The following MIR2052HG variants were observed in gnomAD, a reference collection of about 807,000 sequenced individuals.
MIR2052HG encodes MIR2052 host gene.
intron 4 of MIR2052HG, among the ~76,000 whole-genome samples, chr8:74,711,659 G>C (rs269191): frequency 6.6e-6 from 1 of 152,006 alleles, no homozygotes; most frequent in African/African-American, 2.4e-5. Flanking sequence ...GTCAATGAGA[G>C]CTCATGGGAT....
chr8:74,644,638 C>T (rs1808672822), intron 2 of MIR2052HG, among the ~76,000 whole-genome samples: 1 of 152,134 alleles, frequency 6.6e-6, no homozygotes, highest in Non-Finnish European at 1.5e-5. Flanking sequence ...CGCCTACAAT[C>T]CTAGCACTTT....
chr8:74,642,861 G>A (rs1263528431), intron 2 of MIR2052HG, among the ~76,000 whole-genome samples: 1 of 152,098 alleles, frequency 6.6e-6, no homozygotes, highest in Non-Finnish European at 1.5e-5. Context: ...GTCCAGCATG[G>A]GTAGCATTTG....
intron 2 of MIR2052HG, among the ~76,000 whole-genome samples, chr8:74,639,935 A>T (rs896808679): frequency 6.6e-6 from 1 of 152,132 alleles, no homozygotes; most frequent in African/African-American, 2.4e-5. Context: ...TTTTCCAGTA[A>T]CACTTTGAAT....
At chr8:74,688,499 A>C (rs1207102378) in intron 2 of MIR2052HG, among the ~76,000 whole-genome samples, 1 of 140,518 alleles carries the variant, frequency 7.1e-6, no homozygotes, top group Non-Finnish European at 1.6e-5. Context: ...AGAACTGAAG[A>C]GGGACCAAGA....
chr8:74,703,294 A>G (rs1180103631), intron 3 of MIR2052HG, among the ~76,000 whole-genome samples: 1 of 152,072 alleles, frequency 6.6e-6, no homozygotes, highest in African/African-American at 2.4e-5. Context: ...TATAATAAAT[A>G]TAGACTTAAG....
chr8:74,629,481 T>C (rs889230625), intron 2 of MIR2052HG, among the ~76,000 whole-genome samples: 3 of 151,006 alleles, frequency 2.0e-5, no homozygotes, highest in East Asian at 3.9e-4. Context: ...GATGGAAGAG[T>C]AAAAGGAAGG....
intron 2 of MIR2052HG, among the ~76,000 whole-genome samples, chr8:74,673,910 T>TATATATATATATATATATATACATAC (rs1485340799): frequency 1.4e-4 from 18 of 133,228 alleles, no homozygotes; most frequent in African/African-American, 4.4e-4. Context: ...TATATATATA[T>TATATATATATATATATATATACATAC]ACACACACAA....
At position 74,738,219 on chromosome 8, in the gene MIR2052HG, C is replaced by T. The variant is rs567945811; in HGVS notation, n.372-14222C>T. Among the ~76,000 whole-genome samples the T allele has an allele frequency of 2.6e-5, 4 of 152,042 alleles. No homozygotes were observed. The East Asian group carries it at 7.7e-4, about 29-fold the overall frequency. ...TTGACATTCAAGGCCCTCAATCAACCTTCTTCCTACATGTACCGTATTTCC... is the reference window on the plus strand; with the variant it reads ...TTGACATTCAAGGCCCTCAATCAACTTTCTTCCTACATGTACCGTATTTCC... On this transcript the variant is annotated intron_variant and non_coding_transcript_variant, in intron 4 of 6. Coordinates refer to ENST00000523442, the Ensembl canonical transcript of MIR2052HG.
chr8:74,729,395 C>A (rs1809668060), intron 4 of MIR2052HG, among the ~76,000 whole-genome samples: 1 of 152,072 alleles, frequency 6.6e-6, no homozygotes, highest in South Asian at 2.1e-4. Flanking sequence ...GTAACATTAA[C>A]AATAAATACA....
intron 2 of MIR2052HG, among the ~76,000 whole-genome samples, chr8:74,639,824 T>TA (rs1395723935): frequency 6.6e-6 from 1 of 152,278 alleles, no homozygotes; most frequent in Admixed American, 6.5e-5. Flanking sequence ...CTTTTTTTTT[T>TA]ATCAAAGTCC....
chr8:74,603,082 A>T (rs529169467), intron 1 of MIR2052HG, among the ~76,000 whole-genome samples: 1 of 151,888 alleles, frequency 6.6e-6, no homozygotes, highest in East Asian at 1.9e-4. Flanking sequence ...TATAAAACTA[A>T]ATATGGATCT....
intron 2 of MIR2052HG, among the ~76,000 whole-genome samples, chr8:74,622,430 C>T (rs1379147926): frequency 6.6e-6 from 1 of 152,166 alleles, no homozygotes; most frequent in African/African-American, 2.4e-5. Flanking sequence ...ATGGCAAAAC[C>T]CTGTTTTTAC....
At chr8:74,741,411 T>TTGA (rs1302846729) in intron 4 of MIR2052HG, among the ~76,000 whole-genome samples, 1 of 152,236 alleles carries the variant, frequency 6.6e-6, no homozygotes, top group Non-Finnish European at 1.5e-5. Context: ...TAAAAAAGGT[T>TTGA]TGACCTTTTC....
intron 1 of MIR2052HG, among the ~76,000 whole-genome samples, chr8:74,606,965 T>C (rs974183633): frequency 2.0e-5 from 3 of 151,148 alleles, no homozygotes; most frequent in African/African-American, 7.3e-5. Context: ...AAAGGACAAA[T>C]TGAACATTAC....
chr8:74,726,271 T>C (rs1038191813), intron 4 of MIR2052HG, among the ~76,000 whole-genome samples: 3 of 152,188 alleles, frequency 2.0e-5, no homozygotes, highest in Middle Eastern at 3.2e-3. Flanking sequence ...AAAAACAGAC[T>C]CTAAAAGAGA....
intron 2 of MIR2052HG, among the ~76,000 whole-genome samples, chr8:74,674,805 G>T (rs1358008075): frequency 1.3e-5 from 2 of 151,648 alleles, no homozygotes; most frequent in South Asian, 2.1e-4. Context: ...ACATTACTAT[G>T]ATACTATACG....
chr8:74,666,049 A>C lies in MIR2052HG; in HGVS notation n.217-36330A>C, dbSNP rs371291699. Among the ~76,000 whole-genome samples, 7 of 152,266 alleles carry C rather than the reference A, an allele frequency of 4.6e-5. No individual in the cohort carries two copies. The East Asian group carries it at 9.6e-4, about 21-fold the overall frequency. On this transcript the variant is annotated intron_variant and non_coding_transcript_variant, in intron 2 of 6. Coordinates refer to ENST00000523442, the Ensembl canonical transcript of MIR2052HG. ...CAATCTTGGGTATGCTTTTGTCGGCAGTGTGAGAACAGACCAATACAACAG... is the reference window on the plus strand; with the variant it reads ...CAATCTTGGGTATGCTTTTGTCGGCCGTGTGAGAACAGACCAATACAACAG...
chr8:74,681,539 T>G lies in MIR2052HG; in HGVS notation n.217-20840T>G, dbSNP rs898214651. On this transcript the variant is annotated intron_variant and non_coding_transcript_variant, in intron 2 of 6. Coordinates refer to ENST00000523442, the Ensembl canonical transcript of MIR2052HG. Reference sequence around the variant, plus strand: ...TCTCCTGCAAAACTCGTGTTGAAATTTAATTGCCAATGTAATGGTATTGGG... The same window carrying G: ...TCTCCTGCAAAACTCGTGTTGAAATGTAATTGCCAATGTAATGGTATTGGG... Among the ~76,000 whole-genome samples, 4 of 152,200 alleles carry G rather than the reference T, an allele frequency of 2.6e-5. 1 individual carries two copies. Among genetic ancestry groups the G allele is most frequent in the African/African-American group, 2.4e-5 (1 of 41,458 alleles).
chr8:74,678,027 A>G (rs1421298076), intron 2 of MIR2052HG, among the ~76,000 whole-genome samples: 1 of 152,186 alleles, frequency 6.6e-6, no homozygotes, highest in East Asian at 1.9e-4. Context: ...GTTTGAGAGT[A>G]TTAACAAAAT....
Sources: allele counts gnomAD v4.1 joint callset (sites outside exome capture counted in the v4.1 genomes callset), GRCh38; gene constraint gnomAD v4.1.1; transcripts MANE v1.5; gene names NCBI Gene and HGNC (gene_info 2026-07-23, HGNC 2026-07-21).